The following KATNAL2 variants were observed in gnomAD, a reference collection of about 807,000 sequenced individuals.
The protein encoded by KATNAL2 is katanin p60 ATPase-containing subunit A-like 2.
KATNAL2 carries 52 observed loss-of-function variants against 76.3 expected under a neutral mutation model. That is an observed-to-expected ratio of 0.68 (90% CI 0.55 to 0.86). KATNAL2 has a LOEUF of 0.86. Ranked by LOEUF, KATNAL2 falls within the 40% of genes least tolerant of loss-of-function variation. The pLI, the probability that KATNAL2 is intolerant of heterozygous loss-of-function variation, is 0.00. For synonymous variants in KATNAL2, 243 were observed against 244.2 expected (o/e 1.00, Z 0.05); for missense variants, 660 against 668.9 (o/e 0.99, Z 0.15).
At chr18:46,952,666 T>G (rs1331249437) in intron 3 of KATNAL2, among the ~76,000 whole-genome samples, 1 of 152,110 alleles carries the variant, frequency 6.6e-6, no homozygotes, top group Non-Finnish European at 1.5e-5. Context: ...TCTGAAGTGT[T>G]GGGATTACAG....
Position 47,100,899 on chromosome 18 carries a change from T to C in KATNAL2, c.1511T>C (p.Ile504Thr), listed in dbSNP as rs542379653. ...SSDLPRIQLD[I>T]VTTADFLDVL... ...GACTTACCCAGGATCCAGTTGGATATAGTAACCACTGCCGACTTTCTGGAT... is the reference window on the plus strand; with the variant it reads ...GACTTACCCAGGATCCAGTTGGATACAGTAACCACTGCCGACTTTCTGGAT... Residue 504 changes from isoleucine (I) to threonine (T), a missense_variant, in exon 18 of 18, where the codon ATA becomes ACA. Ile to Thr is a moderately conservative substitution (Grantham distance 89). Coordinates refer to ENST00000683218, the MANE Select transcript of KATNAL2 (RefSeq NM_001387690.1). 2.0e-4 allele frequency: 319 copies of C among 1,614,176 alleles called. No individual in the cohort carries two copies. The highest frequency in any genetic ancestry group is 2.6e-4 in the Non-Finnish European group (306 of 1,180,028).
intron 3 of KATNAL2, chr18:47,033,759 A>T: frequency 6.2e-7 from 1 of 1,614,240 alleles, no homozygotes; most frequent in Non-Finnish European, 8.5e-7. Context: ...GTCCAGGGAA[A>T]GCAGCTTCCT....
intron 14 of KATNAL2, chr18:47,076,278 CAAGT>C (rs1432876871): frequency 6.6e-6 from 1 of 152,156 alleles, no homozygotes; most frequent in Non-Finnish European, 1.5e-5. Flanking sequence ...AAGATGTACC[CAAGT>C]AATATATGGG....
chr18:47,085,614 C>T (rs1446838992), intron 15 of KATNAL2, among the ~76,000 whole-genome samples: 6 of 152,130 alleles, frequency 3.9e-5, no homozygotes, highest in Non-Finnish European at 7.4e-5. Flanking sequence ...CAACTAGTCC[C>T]ATGGCCGCCC....
intron 4 of KATNAL2, among the ~76,000 whole-genome samples, chr18:47,051,203 C>T (rs1264550359): frequency 6.6e-6 from 1 of 152,098 alleles, no homozygotes; most frequent in Non-Finnish European, 1.5e-5. Flanking sequence ...TCAAGCTCAG[C>T]TCACTTGAGA....
At chr18:47,035,312 T>A in intron 3 of KATNAL2, 1 of 1,610,194 alleles carries the variant, frequency 6.2e-7, no homozygotes, top group East Asian at 2.2e-5. Context: ...CGCAGCTCTG[T>A]CTTTGGGGCT....
chr18:47,073,357 G>A (rs1167086511), intron 13 of KATNAL2, among the ~76,000 whole-genome samples: 2 of 152,082 alleles, frequency 1.3e-5, no homozygotes, highest in Admixed American at 6.6e-5. Context: ...TTTTATTTTG[G>A]ATATTTTAAA....
intron 15 of KATNAL2, among the ~76,000 whole-genome samples, chr18:47,082,887 T>C (rs2062596306): frequency 6.6e-6 from 1 of 152,170 alleles, no homozygotes; most frequent in South Asian, 2.1e-4. Flanking sequence ...TTGTACCACT[T>C]TGTATTCCCA....
intron 15 of KATNAL2, among the ~76,000 whole-genome samples, chr18:47,086,259 C>G (rs879337955): frequency 8.5e-5 from 13 of 152,200 alleles, no homozygotes; most frequent in Non-Finnish European, 5.9e-5. Flanking sequence ...TTACCTCACC[C>G]TGATCTGATG....
At chr18:46,946,635 C>T in intron 2 of KATNAL2, 89 bp downstream of exon 2, 1 of 878,836 alleles carries the variant, frequency 1.1e-6, no homozygotes, top group Non-Finnish European at 1.4e-6. Context: ...TAACAATCTT[C>T]CCTCTTCGAT....
chr18:47,063,496 A>G (rs964891273), intron 10 of KATNAL2, 135 bp downstream of exon 10: 1 of 629,096 alleles, frequency 1.6e-6, no homozygotes, highest in East Asian at 2.8e-5. Flanking sequence ...GCAGGCACTC[A>G]TATTGTTTAG....
intron 3 of KATNAL2, 70 bp from the exon 4 acceptor site, chr18:47,046,387 C>T: frequency 9.5e-7 from 1 of 1,048,928 alleles, no homozygotes; most frequent in South Asian, 1.4e-5. Context: ...CATTTACCTT[C>T]CAGGGTTTAT....
intron 3 of KATNAL2, among the ~76,000 whole-genome samples, chr18:46,951,900 A>G (rs969023768): frequency 6.6e-6 from 1 of 151,940 alleles, no homozygotes; most frequent in East Asian, 1.9e-4. Flanking sequence ...CAGCCTCCCA[A>G]GTAGTTAGGA....
At chr18:47,029,438 T>TGTTC in intron 3 of KATNAL2, 1 of 265,476 alleles carries the variant, frequency 3.8e-6, no homozygotes, top group Non-Finnish European at 6.1e-6. Context: ...GCCCCGGAGG[T>TGTTC]GTTCTGCGTG....
chr18:47,045,226 T>C (rs1599644915), intron 3 of KATNAL2, among the ~76,000 whole-genome samples: 1 of 152,178 alleles, frequency 6.6e-6, no homozygotes. Flanking sequence ...TTTATATGCA[T>C]ATTTTAATTT....
At chr18:46,960,197 G>A (rs2146787670) in intron 3 of KATNAL2, among the ~76,000 whole-genome samples, 2 of 152,288 alleles carry the variant, frequency 1.3e-5, no homozygotes, top group Admixed American at 1.3e-4. Flanking sequence ...AGCACTTTGG[G>A]AGGCCCAGGT....
Position 47,077,354 on chromosome 18 carries a change from A to G in KATNAL2, c.1104A>G (p.Gly368=), listed in dbSNP as rs776191921. The change falls in exon 15 of 18, where the codon GGA becomes GGG. Residue 368 remains glycine (G), a synonymous_variant. Transcript: ENST00000683218. ...ATCACGTCTTGTCTCTCTGTAGGGG[A>G]GAACATGAAGGAAGCCTGCGGATGA... ...VMSQRGTASG[G]EHEGSLRMKT... The G allele has an allele frequency of 6.2e-6, 10 of 1,612,232 alleles. No individual in the cohort carries two copies. The highest frequency in any genetic ancestry group is 7.6e-6 in the Non-Finnish European group (9 of 1,178,316).
At chr18:47,034,188 C>G in intron 3 of KATNAL2, 2 of 1,614,132 alleles carry the variant, frequency 1.2e-6, no homozygotes, top group Non-Finnish European at 1.7e-6. Flanking sequence ...AGCTCACGGA[C>G]GTTCTGTCCA....
At position 47,063,062 on chromosome 18, in the gene KATNAL2, G is replaced by A. The variant is rs1436798378; in HGVS notation, c.640G>A (p.Asp214Asn). 1 of 1,613,714 alleles carries A rather than the reference G, an allele frequency of 6.2e-7. No individual in the cohort carries two copies. Among genetic ancestry groups the A allele is most frequent in the South Asian group, 1.1e-5 (1 of 91,070 alleles). ...LALNTFDHNP[D>N]PSERLLKPLS... is the part of the protein sequence containing the mutation. ...CTTGAACACCTTCGACCATAATCCAGACCCCTCAGTAAGTGGCGAAGATGT... is the reference window on the plus strand; with the variant it reads ...CTTGAACACCTTCGACCATAATCCAAACCCCTCAGTAAGTGGCGAAGATGT... Residue 214 changes from aspartate (D) to asparagine (N), a missense_variant, in exon 9 of 18, where the codon GAC becomes AAC. Transcript: ENST00000683218.
Sources: gnomAD v4.1 joint callset for allele counts (sites outside exome capture counted in the v4.1 genomes callset) on GRCh38, gnomAD v4.1.1 for gene constraint, MANE v1.5 for transcripts, NCBI Gene and HGNC (gene_info 2026-07-23, HGNC 2026-07-21) for gene names.